The following EDIL3 variants were observed in gnomAD, a reference collection of about 807,000 sequenced individuals.
EDIL3 encodes EGF-like repeat and discoidin I-like domain-containing protein 3.
Under a neutral mutation model 67.4 loss-of-function variants are expected in EDIL3, and 37 were observed. The ratio of observed to expected loss-of-function variants is 0.55; its 90% CI spans 0.42 to 0.72. The LOEUF (loss-of-function observed/expected upper bound fraction) is 0.72, where lower values mean the gene tolerates loss of function less well. Ranked by LOEUF, EDIL3 falls within the 30% of genes least tolerant of loss-of-function variation. EDIL3 has a pLI of 0.00. For missense variants in EDIL3, 527 were observed against 586.3 expected (o/e 0.90, Z 1.04); for synonymous variants, 195 against 196.3 (o/e 0.99, Z 0.05).
chr5:84,219,857 A>G lies in EDIL3; in HGVS notation c.226+9998T>C, dbSNP rs1213322474. ...ATCATTATGTTAAATGAAATAAGCC[A>G]GACACAGAAAGATAAACTTTGCATA... On this transcript the variant is annotated intron_variant, in intron 3 of 10. Coordinates refer to ENST00000296591, the MANE Select transcript of EDIL3 (RefSeq NM_005711.5). 5.9e-5 allele frequency among the ~76,000 whole-genome samples: 9 copies of G among 152,322 alleles called. No individual in the cohort carries two copies. The Middle Eastern group carries it at 0.01, about 173-fold the overall frequency.
chr5:84,127,760 C>A (rs757707287), intron 5 of EDIL3, among the ~76,000 whole-genome samples: 1 of 151,968 alleles, frequency 6.6e-6, no homozygotes, highest in African/African-American at 2.4e-5. Context: ...AATAGAACTT[C>A]TTTTGCCTGA....
At chr5:84,377,093 A>G (rs540468378) in intron 1 of EDIL3, among the ~76,000 whole-genome samples, 10 of 152,220 alleles carry the variant, frequency 6.6e-5, no homozygotes, top group East Asian at 1.9e-4. Context: ...TTGGGAGGCC[A>G]AGGCGGGTGG....
chr5:84,301,182 C>T (rs1171612307), intron 1 of EDIL3, among the ~76,000 whole-genome samples: 2 of 151,484 alleles, frequency 1.3e-5, no homozygotes, highest in South Asian at 2.1e-4. Context: ...GCGGGAGAAT[C>T]GCTTGAACCC....
chr5:84,138,067 C>T (rs1748126448), intron 4 of EDIL3, among the ~76,000 whole-genome samples: 1 of 152,148 alleles, frequency 6.6e-6, no homozygotes, highest in Non-Finnish European at 1.5e-5. Flanking sequence ...ACAAATATGA[C>T]TTTGAACACA....
chr5:84,178,263 A>G (rs1194067261), intron 4 of EDIL3, among the ~76,000 whole-genome samples: 2 of 152,174 alleles, frequency 1.3e-5, no homozygotes, highest in East Asian at 3.8e-4. Flanking sequence ...AGTTGATTTC[A>G]GGTGATGCCT....
At chr5:84,134,278 G>A (rs764182381) in intron 5 of EDIL3, among the ~76,000 whole-genome samples, 15 of 152,134 alleles carry the variant, frequency 9.9e-5, no homozygotes, top group Non-Finnish European at 1.6e-4. Context: ...TTTAAAATGT[G>A]GTATATCACT....
At position 84,046,055 on chromosome 5, in the gene EDIL3, CAT is replaced by C. The variant is rs984902141; in HGVS notation, c.1137+14243_1137+14244del. ...TAAAACATAATGTATGAATAACAAA[CAT>C]ATCGTTGGGTTGTGGGCAGAAAATA... On this transcript the variant is annotated intron_variant, in intron 9 of 10. Transcript: ENST00000296591. Among the ~76,000 whole-genome samples the C allele has an allele frequency of 6.0e-4, 91 of 152,308 alleles. 2 individuals are homozygous for C. Among genetic ancestry groups the C allele is most frequent in the African/African-American group, 2.1e-3 (86 of 41,590 alleles).
chr5:84,310,242 T>A (rs1746357722), intron 1 of EDIL3, among the ~76,000 whole-genome samples: 1 of 152,164 alleles, frequency 6.6e-6, no homozygotes, highest in South Asian at 2.1e-4. Flanking sequence ...TACTGTTACA[T>A]AAAATGCTAA....
chr5:84,269,407 G>C (rs1745419084), intron 1 of EDIL3, among the ~76,000 whole-genome samples: 2 of 117,304 alleles, frequency 1.7e-5, no homozygotes, highest in South Asian at 3.0e-4. Flanking sequence ...CTTAGACATA[G>C]ACATATCATT....
At chr5:84,256,698 G>A (rs1745130657) in intron 1 of EDIL3, among the ~76,000 whole-genome samples, 1 of 152,134 alleles carries the variant, frequency 6.6e-6, no homozygotes, top group South Asian at 2.1e-4. Context: ...TTGAAATATG[G>A]GAAAGTGTAT....
At chr5:83,975,175 A>C (rs1744858283) in intron 9 of EDIL3, among the ~76,000 whole-genome samples, 1 of 152,040 alleles carries the variant, frequency 6.6e-6, no homozygotes, top group Non-Finnish European at 1.5e-5. Flanking sequence ...GTGAGCAATA[A>C]GATGCTTAGA....
chr5:84,332,334 T>C (rs891142599), intron 1 of EDIL3, among the ~76,000 whole-genome samples: 11 of 152,204 alleles, frequency 7.2e-5, no homozygotes, highest in Admixed American at 1.3e-4. Flanking sequence ...ATAGTGCCAC[T>C]GCACTCCAGC....
At chr5:84,176,442 G>A (rs1661898239) in intron 4 of EDIL3, among the ~76,000 whole-genome samples, 1 of 150,704 alleles carries the variant, frequency 6.6e-6, no homozygotes, top group East Asian at 1.9e-4. Flanking sequence ...TGAAAAGTAG[G>A]AAAGAAGAAA....
chr5:84,358,363 A>T (rs1474479848), intron 1 of EDIL3, among the ~76,000 whole-genome samples: 1 of 152,146 alleles, frequency 6.6e-6, no homozygotes, highest in African/African-American at 2.4e-5. Context: ...GCCTACACAG[A>T]AGTTGCCCTG....
At chr5:84,056,473 A>G (rs913515429) in intron 9 of EDIL3, among the ~76,000 whole-genome samples, 3 of 151,760 alleles carry the variant, frequency 2.0e-5, no homozygotes, top group African/African-American at 7.3e-5. Flanking sequence ...AAAGTATAAT[A>G]AAAAAATATA....
At chr5:84,353,778 C>A (rs1227734037) in intron 1 of EDIL3, among the ~76,000 whole-genome samples, 2 of 152,162 alleles carry the variant, frequency 1.3e-5, no homozygotes, top group East Asian at 3.9e-4. Flanking sequence ...AAGGACTGCT[C>A]TTAATTCTTT....
chr5:84,100,952 CA>C (rs924168029), intron 6 of EDIL3, among the ~76,000 whole-genome samples: 3 of 150,860 alleles, frequency 2.0e-5, no homozygotes, highest in Admixed American at 6.6e-5. Flanking sequence ...TTTCTTTCGC[CA>C]AAAAAAATTA....
intron 3 of EDIL3, among the ~76,000 whole-genome samples, chr5:84,202,982 A>C (rs546373184): frequency 2.6e-5 from 4 of 152,166 alleles, no homozygotes; most frequent in Non-Finnish European, 4.4e-5. Context: ...ACAGGCAAGG[A>C]GACTGGAAAG....
rs575066086 is a variant in EDIL3, at chr5:83,953,705, T to C, written c.1293+9500A>G. Among the ~76,000 whole-genome samples, 6 of 151,956 alleles carry C rather than the reference T, an allele frequency of 3.9e-5. No homozygotes were observed. The South Asian group carries it at 1.0e-3, about 26-fold the overall frequency. On this transcript the variant is annotated intron_variant, in intron 10 of 10. Transcript: ENST00000296591. ...TCAGAAAAACCGAGAGGACTGCCTC[T>C]TCACACAGGTATAATAACTGAATCC... is the stretch of plus-strand genomic sequence containing the variant.
Sources: allele counts gnomAD v4.1 joint callset (sites outside exome capture counted in the v4.1 genomes callset), GRCh38; gene constraint gnomAD v4.1.1; transcripts MANE v1.5; gene names NCBI Gene and HGNC (gene_info 2026-07-23, HGNC 2026-07-21).